The following KATNBL1 variants were observed in gnomAD, a reference collection of about 807,000 sequenced individuals.
KATNBL1 encodes KATNB1-like protein 1.
In KATNBL1, 28 loss-of-function variants were observed where a neutral mutation model predicts 44.7. That is an observed-to-expected ratio of 0.63 (90% confidence interval 0.46 to 0.86). The LOEUF (loss-of-function observed/expected upper bound fraction) is 0.86, where lower values mean the gene tolerates loss of function less well. Ranked by LOEUF, KATNBL1 falls within the 40% of genes least tolerant of loss-of-function variation. The pLI is 0.00. For synonymous variants in KATNBL1, 78 were observed against 114.9 expected (o/e 0.68, Z 2.06); for missense variants, 272 against 350.7 (o/e 0.78, Z 1.79).
At chr15:34,181,557 T>TAC (rs1408132485) in intron 1 of KATNBL1, among the ~76,000 whole-genome samples, 3 of 147,422 alleles carry the variant, frequency 2.0e-5, no homozygotes, top group African/African-American at 7.4e-5. Flanking sequence ...TACATATATA[T>TAC]GTCCATATAT....
At chr15:34,151,905 G>A (rs979330495) in intron 4 of KATNBL1, among the ~76,000 whole-genome samples, 5 of 151,736 alleles carry the variant, frequency 3.3e-5, no homozygotes, top group Non-Finnish European at 7.4e-5. Flanking sequence ...TTGAGAGCCC[G>A]GCAAAATGTG....
chr15:34,146,697 G>C (rs1888319978), intron 8 of KATNBL1, 64 bp downstream of exon 8: 1 of 903,114 alleles, frequency 1.1e-6, no homozygotes, highest in African/African-American at 1.6e-5. Context: ...TTATTACCTA[G>C]TTTAATCAAG....
chr15:34,142,684 G>A (rs1041266882), intron 9 of KATNBL1: 1 of 291,144 alleles, frequency 3.4e-6, no homozygotes, highest in African/African-American at 2.3e-5. Flanking sequence ...ATATTCACTT[G>A]AGCCCAGCTT....
In KATNBL1 at chr15:34,163,586, T is replaced by C. The variant is rs760120575; in HGVS notation, c.91A>G (p.Asn31Asp). 1 of 1,595,496 alleles carries C rather than the reference T, an allele frequency of 6.3e-7. No homozygotes were observed. Among genetic ancestry groups the C allele is most frequent in the Non-Finnish European group, 8.5e-7 (1 of 1,175,438 alleles). ...TCCTTCATGTTCTTATTAGTGAAAT[T>C]AGAGATCTTTTTTCTAGGAAGATCA... ...FIDLPRKKIS[N>D]FTNKNMKEVK... Residue 31 changes from asparagine (N) to aspartate (D), a missense_variant, in exon 2 of 10, where the codon AAT (asparagine) becomes GAT (aspartate). Asn to Asp is a conservative substitution (Grantham distance 23). Transcript: ENST00000256544.
chr15:34,160,048 A>C (rs1888750446), intron 2 of KATNBL1, among the ~76,000 whole-genome samples: 1 of 152,238 alleles, frequency 6.6e-6, no homozygotes, highest in African/African-American at 2.4e-5. Flanking sequence ...AAAAAAAGAT[A>C]TAGCCCCTGA....
At chr15:34,206,611 C>T (rs1030339889) in intron 1 of KATNBL1, among the ~76,000 whole-genome samples, 1 of 151,998 alleles carries the variant, frequency 6.6e-6, no homozygotes, top group Non-Finnish European at 1.5e-5. Context: ...GCCGACATGG[C>T]GAAACCCCGT....
At chr15:34,198,452 A>G (rs1394395578) in intron 1 of KATNBL1, 1 of 152,258 alleles carries the variant, frequency 6.6e-6, no homozygotes, top group African/African-American at 2.4e-5. Flanking sequence ...GAGTTAAACT[A>G]TGAAACAGTA....
chr15:34,191,188 T>TATATA (rs1331589830), intron 1 of KATNBL1, among the ~76,000 whole-genome samples: 8 of 137,880 alleles, frequency 5.8e-5, no homozygotes, highest in Admixed American at 1.5e-4. Flanking sequence ...TATATATATA[T>TATATA]TTGGTAGGGC....
At chr15:34,208,516 G>C (rs1157855425) in intron 1 of KATNBL1, 1 of 152,162 alleles carries the variant, frequency 6.6e-6, no homozygotes, top group Non-Finnish European at 1.5e-5. Flanking sequence ...CACTCAATAA[G>C]TTTTAGGGAT....
At chr15:34,164,735 A>G (rs1373291991) in intron 1 of KATNBL1, among the ~76,000 whole-genome samples, 2 of 152,194 alleles carry the variant, frequency 1.3e-5, no homozygotes, top group Non-Finnish European at 2.9e-5. Context: ...AACATCTACT[A>G]AGCATTCACT....
At chr15:34,158,459 T>G (rs1286801317) in intron 2 of KATNBL1, among the ~76,000 whole-genome samples, 2 of 152,224 alleles carry the variant, frequency 1.3e-5, no homozygotes, top group African/African-American at 4.8e-5. Context: ...GTTTGGCTAT[T>G]TGATCTGCAA....
At chr15:34,205,361 T>G (rs1890267976) in intron 1 of KATNBL1, among the ~76,000 whole-genome samples, 1 of 152,186 alleles carries the variant, frequency 6.6e-6, no homozygotes, top group Non-Finnish European at 1.5e-5. Flanking sequence ...TCAATATATA[T>G]AATTCATTTT....
chr15:34,190,735 TATGATACAACAG>T (rs2140984567), intron 1 of KATNBL1, among the ~76,000 whole-genome samples: 1 of 152,322 alleles, frequency 6.6e-6, no homozygotes, highest in South Asian at 2.1e-4. Context: ...TGAATCCTGA[TATGATACAACAG>T]GAAATATTAA....
Position 34,142,189 on chromosome 15 carries a change from T to C in KATNBL1, c.*150A>G. 1.5e-6 allele frequency: 1 copy of C among 655,426 alleles called. No homozygotes were observed. The highest frequency in any genetic ancestry group is 2.3e-6 in the Non-Finnish European group (1 of 433,002). 40.6% of individuals were successfully genotyped at this position (655,426 alleles called of 1,614,324 possible). Reference sequence around the variant, plus strand: ...GTGAAGCAGATTGCTGGGATTTCATTAGTGGTTTCATTACGTGGCTTTTTA... The same window carrying C: ...GTGAAGCAGATTGCTGGGATTTCATCAGTGGTTTCATTACGTGGCTTTTTA... On this transcript the variant is annotated 3_prime_UTR_variant, in exon 10 of 10. Coordinates refer to ENST00000256544, the MANE Select transcript of KATNBL1 (RefSeq NM_024713.3).
chr15:34,147,301 A>G lies in KATNBL1; in HGVS notation c.609-12T>C. 6.2e-7 allele frequency: 1 copy of G among 1,601,388 alleles called. No individual in the cohort carries two copies. On this transcript the variant is annotated splice_polypyrimidine_tract_variant and intron_variant, in intron 6 of 9. Coordinates refer to ENST00000256544, the MANE Select transcript of KATNBL1 (RefSeq NM_024713.3). Reference sequence around the variant, plus strand: ...TTTCTTCCTGTAAACTAAAATAAATACCAAGTTATAAAAATATGGATGGGC... The same window carrying G: ...TTTCTTCCTGTAAACTAAAATAAATGCCAAGTTATAAAAATATGGATGGGC...
At chr15:34,163,429 C>A in intron 2 of KATNBL1, 131 bp downstream of exon 2, 1 of 1,056,348 alleles carries the variant, frequency 9.5e-7, no homozygotes, top group Non-Finnish European at 1.3e-6. Context: ...TTATATTTCA[C>A]CAATTCAACT....
chr15:34,200,809 T>A (rs1890159534), intron 1 of KATNBL1, among the ~76,000 whole-genome samples: 1 of 151,692 alleles, frequency 6.6e-6, no homozygotes, highest in African/African-American at 2.4e-5. Context: ...TTCCTCAGTG[T>A]TTTTGTTTTG....
At chr15:34,185,612 G>T (rs1316238552) in intron 1 of KATNBL1, among the ~76,000 whole-genome samples, 2 of 152,182 alleles carry the variant, frequency 1.3e-5, no homozygotes, top group African/African-American at 2.4e-5. Flanking sequence ...AGAACAGCAG[G>T]GGTTTGGTCT....
intron 1 of KATNBL1, among the ~76,000 whole-genome samples, chr15:34,175,579 A>G (rs990891430): frequency 2.0e-5 from 3 of 152,244 alleles, no homozygotes; most frequent in South Asian, 2.1e-4. Context: ...ACCATTAGTC[A>G]TTATAAAATG....
Sources: gnomAD v4.1 joint callset for allele counts (sites outside exome capture counted in the v4.1 genomes callset) on GRCh38, gnomAD v4.1.1 for gene constraint, MANE v1.5 for transcripts, NCBI Gene and HGNC (gene_info 2026-07-23, HGNC 2026-07-21) for gene names.